Variants in PCDHA4 observed in about 807,000 individuals in gnomAD.
PCDHA4 encodes the protein protocadherin alpha-4.
Under a neutral mutation model 61.4 loss-of-function variants are expected in PCDHA4, and 49 were observed. That is an observed-to-expected ratio of 0.80 (90% CI 0.63 to 1.01). The LOEUF is 1.01. Among genes scored for constraint, PCDHA4 ranks in the 50% least tolerant of loss-of-function variants. The pLI, the probability that PCDHA4 is intolerant of heterozygous loss-of-function variation, is 0.00. For missense variants in PCDHA4, 1,254 were observed against 1,235.8 expected (o/e 1.01, Z -0.22); for synonymous variants, 590 against 550.3 (o/e 1.07, Z -1.01).
At chr5:140,876,165 C>G in intron 1 of PCDHA4, 17 of 1,613,944 alleles carry the variant, frequency 1.1e-5, no homozygotes, top group Non-Finnish European at 1.4e-5. Flanking sequence ...TTCAAATAAC[C>G]GTCCTGGATG....
chr5:140,829,963 G>A (rs201706795), intron 1 of PCDHA4: 190 of 1,613,888 alleles, frequency 1.2e-4, no homozygotes, highest in Non-Finnish European at 5.3e-5. Flanking sequence ...CGTTTCGCGT[G>A]GGGCTGTACA....
In PCDHA4 at chr5:141,007,573, TA is replaced by T. The variant is rs1265481031; in HGVS notation, c.2534-2048del. Among the ~76,000 whole-genome samples, 3 of 151,796 alleles carry T rather than the reference TA, an allele frequency of 2.0e-5. No homozygotes were observed. The East Asian group carries it at 5.8e-4, about 29-fold the overall frequency. On this transcript the variant is annotated intron_variant, in intron 3 of 3. Coordinates refer to ENST00000530339, the MANE Select transcript of PCDHA4 (RefSeq NM_018907.4). ...ACAGAGCAAGGCTCTATCTCAAATTTAAAAAATAATAATCATGATAATAATA... is the reference window on the plus strand; with the variant it reads ...ACAGAGCAAGGCTCTATCTCAAATTTAAAAATAATAATCATGATAATAATA...
chr5:140,971,284 A>G lies in PCDHA4; in HGVS notation c.2386-7665A>G, dbSNP rs573117700. 1.7e-3 allele frequency among the ~76,000 whole-genome samples: 257 copies of G among 152,334 alleles called. 1 individual carries two copies. The highest frequency in any genetic ancestry group is 3.4e-3 in the Non-Finnish European group (234 of 68,028). ...CTGTCTTACACTGACCTGTATATTAATATGTACTTTGGTACACAAACATTT... is the reference window on the plus strand; with the variant it reads ...CTGTCTTACACTGACCTGTATATTAGTATGTACTTTGGTACACAAACATTT... On this transcript the variant is annotated intron_variant, in intron 1 of 3. Transcript: ENST00000530339.
At chr5:140,824,119 A>G (rs1343333286) in intron 1 of PCDHA4, 1 of 1,613,878 alleles carries the variant, frequency 6.2e-7, no homozygotes, top group Non-Finnish European at 8.5e-7. Flanking sequence ...TCCCACCTCT[A>G]CAGACAACGT....
chr5:140,866,893 A>G (rs961620387), intron 1 of PCDHA4: 1 of 152,138 alleles, frequency 6.6e-6, no homozygotes, highest in Admixed American at 6.5e-5. Context: ...ATACCCAGAT[A>G]TTAGGCTGAT....
chr5:140,808,086 G>C lies in PCDHA4; in HGVS notation c.899G>C (p.Gly300Ala). The change falls in exon 1 of 4, where the codon GGA (glycine) becomes GCA (alanine). Residue 300 changes from glycine (G) to alanine (A), a missense_variant. Gly to Ala is a moderately conservative substitution (Grantham distance 60). Coordinates refer to ENST00000530339, the MANE Select transcript of PCDHA4 (RefSeq NM_018907.4). Reference sequence around the variant, plus strand: ...AAGTTTCACATAGATCCAATTACTGGACAAATTATTGTAAAGGGATATATT... The same window carrying C: ...AAGTTTCACATAGATCCAATTACTGCACAAATTATTGTAAAGGGATATATT... ...KSKFHIDPITGQIIVKGYIDF... is the reference protein window; with the variant it reads ...KSKFHIDPITAQIIVKGYIDF... 6.2e-7 allele frequency: 1 copy of C among 1,613,968 alleles called. No individual in the cohort carries two copies. The highest frequency in any genetic ancestry group is 1.3e-5 in the African/African-American group (1 of 75,042).
chr5:140,848,340 A>G, intron 1 of PCDHA4: 1 of 894,036 alleles, frequency 1.1e-6, no homozygotes, highest in Admixed American at 2.4e-5. Context: ...ATCCAGACAA[A>G]TACAGCCCTT....
rs2150261271 is a variant in PCDHA4 at position 140,836,456 on chromosome 5, C to G, written c.2385+26884C>G. ...CGTTGGGCATTGCAGGCCCAGAGAC[C>G]GAGCTGGTGGATGTCAACGTGTACC... On this transcript the variant is annotated intron_variant, in intron 1 of 3. Transcript: ENST00000530339. 17 of 1,613,808 alleles carry G rather than the reference C, an allele frequency of 1.1e-5. 2 individuals carry two copies. The highest frequency in any genetic ancestry group is 6.6e-5 in the South Asian group (6 of 91,076).
chr5:140,836,144 G>C (rs2150253955), intron 1 of PCDHA4: 2 of 1,613,662 alleles, frequency 1.2e-6, no homozygotes, highest in Admixed American at 1.7e-5. Context: ...CTGTGGGCGC[G>C]GGCCATGTGG....
chr5:140,850,861 C>A, intron 1 of PCDHA4: 2 of 1,592,808 alleles, frequency 1.3e-6, no homozygotes, highest in Admixed American at 3.4e-5. Flanking sequence ...ACGGGAGAAC[C>A]CTCTGCTTCC....
intron 1 of PCDHA4, among the ~76,000 whole-genome samples, chr5:140,959,938 G>T (rs937975013): frequency 6.6e-6 from 1 of 152,130 alleles, no homozygotes; most frequent in Non-Finnish European, 1.5e-5. Flanking sequence ...CATTACTTAG[G>T]CAGAATATCA....
intron 1 of PCDHA4, chr5:140,884,056 G>C (rs782776341): frequency 6.2e-7 from 1 of 1,613,476 alleles, no homozygotes; most frequent in African/African-American, 1.3e-5. Context: ...AGGTGCGCGC[G>C]GTGGACGCCG....
At chr5:140,850,939 G>T in intron 1 of PCDHA4, 1 of 1,506,026 alleles carries the variant, frequency 6.6e-7, no homozygotes, top group Non-Finnish European at 8.9e-7. Context: ...TTTCTTGAAA[G>T]ATATTATCGA....
intron 1 of PCDHA4, among the ~76,000 whole-genome samples, chr5:140,846,139 A>G (rs1196969415): frequency 6.7e-6 from 1 of 149,708 alleles, no homozygotes; most frequent in Non-Finnish European, 1.5e-5. Flanking sequence ...TGTTTCCCAT[A>G]TTTAAAAGTT....
chr5:140,900,380 C>T (rs554914375), intron 1 of PCDHA4, among the ~76,000 whole-genome samples: 2 of 152,208 alleles, frequency 1.3e-5, no homozygotes, highest in Admixed American at 6.5e-5. Flanking sequence ...TGGGTTCAAG[C>T]GATTCTCCTG....
At chr5:140,922,373 C>A (rs1337198160) in intron 1 of PCDHA4, among the ~76,000 whole-genome samples, 1 of 152,158 alleles carries the variant, frequency 6.6e-6, no homozygotes, top group African/African-American at 2.4e-5. Context: ...CACTGAGATG[C>A]AAAACCAAAG....
chr5:140,961,343 T>C (rs2095605708), intron 1 of PCDHA4, among the ~76,000 whole-genome samples: 1 of 152,210 alleles, frequency 6.6e-6, no homozygotes, highest in South Asian at 2.1e-4. Flanking sequence ...CAAGAGTGGA[T>C]CCCTGTAGTC....
At chr5:140,821,978 A>G (rs1767138944) in intron 1 of PCDHA4, 1 of 1,614,038 alleles carries the variant, frequency 6.2e-7, no homozygotes. Flanking sequence ...GTGGCGTCCA[A>G]GGGCCGCGGG....
rs781954870 is a variant in PCDHA4, at chr5:140,807,621, C to A, written c.434C>A (p.Ser145Tyr). The stretch of plus-strand genomic sequence containing the variant: ...CAAAAGAACCTGTCCATCGCGGAAT[C>A]CAGGCCGCTTGACTCTCGGTTTCCA... ...ATQKNLSIAE[S>Y]RPLDSRFPLE... Residue 145 changes from serine (S) to tyrosine (Y), a missense_variant, in exon 1 of 4, where the codon TCC (serine) becomes TAC (tyrosine). Coordinates refer to ENST00000530339, the MANE Select transcript of PCDHA4 (RefSeq NM_018907.4). 1.2e-6 allele frequency: 2 copies of A among 1,614,188 alleles called. No homozygotes were observed. The highest frequency in any genetic ancestry group is 1.3e-5 in the African/African-American group (1 of 75,040).
Sources: gnomAD v4.1 joint callset for allele counts (sites outside exome capture counted in the v4.1 genomes callset) on GRCh38, gnomAD v4.1.1 for gene constraint, MANE v1.5 for transcripts, NCBI Gene and HGNC (gene_info 2026-07-23, HGNC 2026-07-21) for gene names.